The following ALK variants were observed in gnomAD, a reference collection of about 807,000 sequenced individuals.
ALK encodes ALK tyrosine kinase receptor.
Under a neutral mutation model 163.1 loss-of-function variants are expected in ALK, and 74 were observed. The observed-to-expected ratio is 0.45, with a 90% CI of 0.38 to 0.55. The LOEUF (loss-of-function observed/expected upper bound fraction) is 0.55, where lower values mean the gene tolerates loss of function less well. Ranked by LOEUF, ALK falls within the 20% of genes least tolerant of loss-of-function variation. ALK has a pLI of 0.00. For missense variants in ALK, 2,063 were observed against 2,105.3 expected, an observed-to-expected ratio of 0.98 and a Z score of 0.39; for synonymous variants, 960 against 843.2, an observed-to-expected ratio of 1.14 and a Z score of -2.40.
chr2:29,389,716 G>A (rs1039378330), intron 4 of ALK, among the ~76,000 whole-genome samples: 2 of 152,172 alleles, frequency 1.3e-5, no homozygotes, highest in African/African-American at 2.4e-5. Context: ...CCAAACGTTC[G>A]TGTCAATTCA....
At chr2:29,764,970 G>C (rs1680817288) in intron 1 of ALK, among the ~76,000 whole-genome samples, 1 of 152,126 alleles carries the variant, frequency 6.6e-6, no homozygotes. Flanking sequence ...GAGTTCTCGT[G>C]AGATCTGGTG....
At chr2:29,310,058 G>GT (rs1441958581) in intron 8 of ALK, among the ~76,000 whole-genome samples, 1 of 152,128 alleles carries the variant, frequency 6.6e-6, no homozygotes, top group East Asian at 1.9e-4. Flanking sequence ...ACTAAAACAG[G>GT]TTTTTTGTTG....
chr2:29,851,500 T>A (rs556221149), intron 1 of ALK, among the ~76,000 whole-genome samples: 13 of 152,316 alleles, frequency 8.5e-5, no homozygotes, highest in African/African-American at 2.9e-4. Flanking sequence ...TTTATTAAAG[T>A]CATTTTCTCA....
At chr2:29,797,573 A>T (rs890163574) in intron 1 of ALK, among the ~76,000 whole-genome samples, 2 of 152,144 alleles carry the variant, frequency 1.3e-5, no homozygotes, top group African/African-American at 4.8e-5. Flanking sequence ...GAAGGCAGGG[A>T]CCATGTCTGT....
At chr2:29,229,143 G>A in intron 15 of ALK, 77 bp from the exon 16 acceptor site, 1 of 1,447,280 alleles carries the variant, frequency 6.9e-7, no homozygotes. Context: ...GAAGCAGGAT[G>A]CAGGACGCCT....
At chr2:29,598,843 G>A (rs972506279) in intron 3 of ALK, among the ~76,000 whole-genome samples, 2 of 152,122 alleles carry the variant, frequency 1.3e-5, no homozygotes, top group East Asian at 3.9e-4. Flanking sequence ...TTTTATGACT[G>A]AGAGAAATAA....
At chr2:29,233,845 CTG>C in intron 13 of ALK, 149 bp from the exon 14 acceptor site, 1 of 960,144 alleles carries the variant, frequency 1.0e-6, no homozygotes, top group Non-Finnish European at 1.6e-6. Context: ...ATACCAATAA[CTG>C]TCACTCTGGG....
intron 1 of ALK, among the ~76,000 whole-genome samples, chr2:29,840,347 C>G (rs1337240043): frequency 2.0e-5 from 3 of 152,186 alleles, no homozygotes; most frequent in Non-Finnish European, 4.4e-5. Flanking sequence ...CTGCAAGACT[C>G]TAGTTCTTTC....
intron 1 of ALK, among the ~76,000 whole-genome samples, chr2:29,912,612 T>C (rs577239986): frequency 6.6e-6 from 1 of 152,066 alleles, no homozygotes; most frequent in African/African-American, 2.4e-5. Flanking sequence ...GCAAAAGAAA[T>C]GGTATATATC....
intron 5 of ALK, among the ~76,000 whole-genome samples, chr2:29,363,808 A>G (rs890645567): frequency 2.0e-5 from 3 of 152,192 alleles, no homozygotes; most frequent in Non-Finnish European, 4.4e-5. Context: ...TCTTCAGAAA[A>G]GTTATTAAAA....
chr2:29,648,031 G>C (rs1371823168), intron 3 of ALK, among the ~76,000 whole-genome samples: 1 of 152,040 alleles, frequency 6.6e-6, no homozygotes, highest in Non-Finnish European at 1.5e-5. Flanking sequence ...GGGAAACACT[G>C]CCTAGAGAAT....
At chr2:29,237,361 CA>C (rs1386490934) in intron 13 of ALK, among the ~76,000 whole-genome samples, 1 of 152,176 alleles carries the variant, frequency 6.6e-6, no homozygotes, top group Non-Finnish European at 1.5e-5. Context: ...CCATTTGCCT[CA>C]AAACCCTCCT....
chr2:29,401,991 G>GC (rs1441137588), intron 4 of ALK, among the ~76,000 whole-genome samples: 1 of 152,240 alleles, frequency 6.6e-6, no homozygotes, highest in Non-Finnish European at 1.5e-5. Flanking sequence ...GTTTCTGGGA[G>GC]CCGGGGCAGC....
At chr2:29,917,181 C>A (rs1667857282) in intron 1 of ALK, among the ~76,000 whole-genome samples, 1 of 152,146 alleles carries the variant, frequency 6.6e-6, no homozygotes, top group Non-Finnish European at 1.5e-5. Flanking sequence ...TTGGTCTGAG[C>A]CAAATGGGCT....
At chr2:29,206,892 C>T (rs1323475625) in intron 26 of ALK, among the ~76,000 whole-genome samples, 2 of 152,072 alleles carry the variant, frequency 1.3e-5, no homozygotes, top group Non-Finnish European at 2.9e-5. Context: ...GCAATGGCAG[C>T]ATCACTCTGG....
chr2:29,467,502 A>G (rs1002332559), intron 4 of ALK, among the ~76,000 whole-genome samples: 3 of 152,280 alleles, frequency 2.0e-5, no homozygotes, highest in Admixed American at 1.3e-4. Context: ...GATGGAGTCC[A>G]AGTACATTCT....
chr2:29,601,649 G>A (rs1200965705), intron 3 of ALK, among the ~76,000 whole-genome samples: 1 of 152,134 alleles, frequency 6.6e-6, no homozygotes, highest in Non-Finnish European at 1.5e-5. Flanking sequence ...TCCATAGAGT[G>A]AAGTGAGCCG....
chr2:29,409,245 A>T (rs1039661762), intron 4 of ALK, among the ~76,000 whole-genome samples: 4 of 152,196 alleles, frequency 2.6e-5, no homozygotes, highest in African/African-American at 9.7e-5. Flanking sequence ...TAGTAAGGGA[A>T]GAGAATAGGT....
At chr2:29,207,425 G>A (rs1669341497) in intron 25 of ALK, among the ~76,000 whole-genome samples, 153 bp from the exon 26 acceptor site, 1 of 152,172 alleles carries the variant, frequency 6.6e-6, no homozygotes, top group Non-Finnish European at 1.5e-5. Flanking sequence ...AGGAGAGCAG[G>A]GGCACACAGA....
Sources: gnomAD v4.1 joint callset for allele counts (sites outside exome capture counted in the v4.1 genomes callset) on GRCh38, gnomAD v4.1.1 for gene constraint, MANE v1.5 for transcripts, NCBI Gene and HGNC (gene_info 2026-07-23, HGNC 2026-07-21) for gene names.